CCDC7: variants seen among roughly 807,000 people sequenced by gnomAD.
CCDC7 encodes the protein coiled-coil domain containing 7.
Under a neutral mutation model 196.9 loss-of-function variants are expected in CCDC7, and 183 were observed. The observed-to-expected ratio is 0.93, with a 90% confidence interval of 0.82 to 1.05. CCDC7 has a LOEUF of 1.05. Among genes scored for constraint, CCDC7 ranks in the 50% least tolerant of loss-of-function variants. The pLI is 0.00. For missense variants in CCDC7, 1,540 were observed against 1,482.2 expected (o/e 1.04, Z -0.64); for synonymous variants, 525 against 484.6 (o/e 1.08, Z -1.10).
chr10:32,686,990 C>G (rs1023233166), intron 22 of CCDC7, among the ~76,000 whole-genome samples: 1 of 152,184 alleles, frequency 6.6e-6, no homozygotes, highest in Non-Finnish European at 1.5e-5. Flanking sequence ...ACAAACTGTT[C>G]CTGATCATCT....
chr10:32,491,956 C>T (rs778226359), exon 9 of CCDC7: 4 of 1,574,702 alleles, frequency 2.5e-6, no homozygotes, highest in Middle Eastern at 1.7e-4. Flanking sequence ...GATTTAATGC[C>T]ATGTTGAAAG....
intron 2 of CCDC7, among the ~76,000 whole-genome samples, chr10:32,454,889 A>G (rs757064692): frequency 5.3e-5 from 8 of 152,120 alleles, no homozygotes; most frequent in Non-Finnish European, 1.0e-4. Flanking sequence ...TCACAGGGAA[A>G]CATAATCCAT....
At chr10:32,798,424 G>A (rs1028438642) in intron 29 of CCDC7, among the ~76,000 whole-genome samples, 2 of 152,184 alleles carry the variant, frequency 1.3e-5, no homozygotes, top group African/African-American at 4.8e-5. Flanking sequence ...AATGACAGGC[G>A]TGGCTGAGGA....
At chr10:32,776,941 C>T (rs1040284458) in intron 28 of CCDC7, among the ~76,000 whole-genome samples, 5 of 152,010 alleles carry the variant, frequency 3.3e-5, no homozygotes, top group African/African-American at 1.2e-4. Flanking sequence ...GCAGCTGGTA[C>T]ACATGCAGAT....
At chr10:32,799,802 A>G (rs1053746466) in intron 29 of CCDC7, among the ~76,000 whole-genome samples, 2 of 152,246 alleles carry the variant, frequency 1.3e-5, no homozygotes, top group Admixed American at 1.3e-4. Context: ...TGTCATCAAT[A>G]TAATGGACCA....
At chr10:32,632,020 C>T (rs2064937497) in intron 18 of CCDC7, among the ~76,000 whole-genome samples, 1 of 151,322 alleles carries the variant, frequency 6.6e-6, no homozygotes, top group Non-Finnish European at 1.5e-5. Context: ...GTTTATTATT[C>T]CCTCTTTGGG....
intron 35 of CCDC7, 90 bp from the exon 37 acceptor site, chr10:32,845,786 C>CAT (rs1395767024): frequency 3.6e-6 from 4 of 1,125,582 alleles, no homozygotes; most frequent in African/African-American, 1.5e-5. Flanking sequence ...CACACACACA[C>CAT]ACACACACAT....
intron 28 of CCDC7, among the ~76,000 whole-genome samples, chr10:32,761,806 C>A (rs904577827): frequency 6.6e-6 from 1 of 151,894 alleles, no homozygotes; most frequent in Non-Finnish European, 1.5e-5. Context: ...ATGGGAAGAT[C>A]CTAATGAAGC....
At chr10:32,485,456 C>T (rs1335123516) in intron 8 of CCDC7, among the ~76,000 whole-genome samples, 4 of 152,154 alleles carry the variant, frequency 2.6e-5, no homozygotes, top group Admixed American at 6.5e-5. Context: ...CTCCTGGATT[C>T]ATTGAATTTT....
intron 28 of CCDC7, among the ~76,000 whole-genome samples, chr10:32,760,349 T>A (rs2133824868): frequency 6.6e-6 from 1 of 152,170 alleles, no homozygotes; most frequent in Admixed American, 6.5e-5. Context: ...CCAACCCAAA[T>A]GTCCAACAAT....
chr10:32,816,861 G>T (rs2088729130), intron 31 of CCDC7, among the ~76,000 whole-genome samples: 1 of 151,962 alleles, frequency 6.6e-6, no homozygotes, highest in South Asian at 2.1e-4. Context: ...AAGACCAAAG[G>T]TAGATAAAAC....
At chr10:32,504,006 T>C (rs907821855) in intron 9 of CCDC7, among the ~76,000 whole-genome samples, 9 of 151,900 alleles carry the variant, frequency 5.9e-5, no homozygotes, top group Admixed American at 5.9e-4. Flanking sequence ...GGGCCTTCTC[T>C]CTCTTTTTTC....
intron 41 of CCDC7, 50 bp downstream of exon 42, chr10:32,854,539 A>G (rs1435473018): frequency 4.3e-6 from 5 of 1,175,822 alleles, no homozygotes; most frequent in Middle Eastern, 1.9e-4. Flanking sequence ...TTTATGCTAT[A>G]TTCTCATCGT....
chr10:32,799,419 T>G (rs1484174018), intron 29 of CCDC7, among the ~76,000 whole-genome samples: 1 of 152,164 alleles, frequency 6.6e-6, no homozygotes, highest in Non-Finnish European at 1.5e-5. Context: ...CCTGGACTTA[T>G]TGCAGAGCCT....
At chr10:32,728,042 A>C (rs1200027472) in intron 26 of CCDC7, among the ~76,000 whole-genome samples, 1 of 152,106 alleles carries the variant, frequency 6.6e-6, no homozygotes. Context: ...AGCCCAAGCA[A>C]TCACTAAGCT....
chr10:32,492,121 T>C (rs2042248384), intron 9 of CCDC7, 124 bp downstream of exon 10: 1 of 941,188 alleles, frequency 1.1e-6, no homozygotes, highest in Admixed American at 3.7e-5. Flanking sequence ...TGCAGAAATA[T>C]TGAAAACATA....
At position 32,680,262 on chromosome 10, in the gene CCDC7, C is replaced by T. The variant is rs2141009165; in HGVS notation, c.2123-5708C>T. ...TGCCCTGCTGAAATGGTTCTAACTG[C>T]AGCAATAAGTTAAGGAATAATAAGG... is the stretch of plus-strand genomic sequence containing the variant. On this transcript the variant is annotated intron_variant, in intron 21 of 41. Transcript: ENST00000639629. Among the ~76,000 whole-genome samples the T allele has an allele frequency of 1.3e-5, 2 of 152,194 alleles. 1 individual carries two copies. Among genetic ancestry groups the T allele is most frequent in the Admixed American group, 1.3e-4 (2 of 15,290 alleles).
intron 41 of CCDC7, among the ~76,000 whole-genome samples, chr10:32,869,608 C>T (rs766914390): frequency 1.3e-5 from 2 of 152,024 alleles, no homozygotes; most frequent in Non-Finnish European, 2.9e-5. Context: ...GTTGCCATTG[C>T]TTTTGGTGTT....
intron 18 of CCDC7, among the ~76,000 whole-genome samples, chr10:32,587,487 G>A (rs2059400413): frequency 6.6e-6 from 1 of 152,144 alleles, no homozygotes; most frequent in African/African-American, 2.4e-5. Flanking sequence ...ATCTATTCAT[G>A]AGGACAAAGC....
Sources: allele counts gnomAD v4.1 joint callset (sites outside exome capture counted in the v4.1 genomes callset), GRCh38; gene constraint gnomAD v4.1.1; transcripts MANE v1.5; gene names NCBI Gene and HGNC (gene_info 2026-07-23, HGNC 2026-07-21).